Variants in PRDM7 observed in about 807,000 individuals in gnomAD.
The protein encoded by PRDM7 is histone-lysine N-methyltransferase PRDM7.
PRDM7 carries 52 observed loss-of-function variants against 64.3 expected under a neutral mutation model. That is an observed-to-expected ratio of 0.81 (90% CI 0.65 to 1.02). PRDM7 has a LOEUF of 1.02. Ranked by LOEUF, PRDM7 falls within the 50% of genes least tolerant of loss-of-function variation. PRDM7 has a pLI of 0.00. For synonymous variants in PRDM7, 192 were observed against 210.1 expected (o/e 0.91, Z 0.74); for missense variants, 574 against 597.1 (o/e 0.96, Z 0.40).
rs577677309 is a variant in PRDM7 at position 90,057,909 on chromosome 16, G to A, written c.*380C>T. 2.4e-5 allele frequency: 38 copies of A among 1,562,416 alleles called. 1 individual carries two copies. Among genetic ancestry groups the A allele is most frequent in the East Asian group, 1.9e-4 (8 of 41,286 alleles). On this transcript the variant is annotated 3_prime_UTR_variant, in exon 11 of 11. Coordinates refer to ENST00000449207, the MANE Select transcript of PRDM7 (RefSeq NM_001098173.2). ...TGGTGAATGAGGAGGACTGACTTCC[G>A]GCTAAAGCCCCGCTCACACTCTCTG...
At position 90,062,136 on chromosome 16, in the gene PRDM7, T is replaced by C; in HGVS notation, c.667A>G (p.Thr223Ala). The stretch of plus-strand genomic sequence containing the variant: ...TCCACTGCACTGTCCTTTACAAATG[T>C]AGGGGGCCCATGAGCAGCACAGCTG... The part of the protein sequence containing the change: ...IDSCAAHGPP[T>A]FVKDSAVDKG... The change falls in exon 8 of 11, where the codon ACA (threonine) becomes GCA (alanine). Residue 223 changes from threonine (T) to alanine (A), a missense_variant. Thr to Ala is a moderately conservative substitution (Grantham distance 58). Transcript: ENST00000449207. The C allele has an allele frequency of 6.2e-7, 1 of 1,614,226 alleles. No homozygotes were observed. The highest frequency in any genetic ancestry group is 8.5e-7 in the Non-Finnish European group (1 of 1,180,032).
chr16:90,074,843 C>A lies in PRDM7; in HGVS notation c.301+73G>T, dbSNP rs1190614556. On this transcript the variant is annotated intron_variant, in intron 4 of 10. Transcript: ENST00000449207. ...GCCGTGAGCCAAGATCACGCCATTG[C>A]ACTCCAGCCTGGGCAACAAGAGCGA... is the stretch of plus-strand genomic sequence containing the variant. The A allele has an allele frequency of 2.7e-6, 4 of 1,472,506 alleles. No individual in the cohort carries two copies. In the East Asian group the frequency reaches 9.3e-5, roughly 34 times the overall value. The allele number at this position is 1,472,506 out of a possible 1,614,324, so 91.2% of individuals were successfully genotyped here.
intron 4 of PRDM7, among the ~76,000 whole-genome samples, chr16:90,067,880 G>T (rs1435139762): frequency 6.6e-6 from 1 of 151,050 alleles, no homozygotes; most frequent in Non-Finnish European, 1.5e-5. Flanking sequence ...GTGAGCCACC[G>T]CGCCCAGCCG....
At position 90,066,904 on chromosome 16, in the gene PRDM7, G is replaced by T; in HGVS notation, c.308C>A (p.Pro103His). 1.3e-6 allele frequency: 2 copies of T among 1,596,456 alleles called. No individual in the cohort carries two copies. Among genetic ancestry groups the T allele is most frequent in the Non-Finnish European group, 8.6e-7 (1 of 1,166,508 alleles). The change falls in exon 5 of 11, where the codon CCT (proline) becomes CAT (histidine). Residue 103 changes from proline to histidine, a missense_variant. Physicochemically the swap from Pro to His is moderately conservative, Grantham distance 77 (BLOSUM62 -2). Coordinates refer to ENST00000449207, the MANE Select transcript of PRDM7 (RefSeq NM_001098173.2). Reference protein sequence around the residue: ...EEWTPRQQVKPPWMAFRGEQS... With the variant: ...EEWTPRQQVKHPWMAFRGEQS... ...TTCTCCTCTGAAGGCCATCCAAGGA[G>T]GTTTGACTAAGAGGTGATGAGAAAT...
At position 90,064,412 on chromosome 16, in the gene PRDM7, G is replaced by T. The variant is rs540008211; in HGVS notation, c.352-644C>A. On this transcript the variant is annotated intron_variant, in intron 5 of 10. Coordinates refer to ENST00000449207, the MANE Select transcript of PRDM7 (RefSeq NM_001098173.2). ...AAGTTGGCATACATGGTTTTGTTTT[G>T]TTTTGTTTTGTTTTGTTTTGAAAAG... Among the ~76,000 whole-genome samples the T allele has an allele frequency of 6.9e-4, 105 of 151,934 alleles. 1 individual carries two copies. The East Asian group carries it at 0.012, about 17-fold the overall frequency.
In PRDM7 at chr16:90,058,092, A is replaced by T; in HGVS notation, c.*197T>A. On this transcript the variant is annotated 3_prime_UTR_variant, in exon 11 of 11. Transcript: ENST00000449207. Reference sequence around the variant, plus strand: ...CTGACTTATCACTGAAACCTTGCCCACACTCTCCATATTTGACTTTCGCAA... The same window carrying T: ...CTGACTTATCACTGAAACCTTGCCCTCACTCTCCATATTTGACTTTCGCAA... The T allele has an allele frequency of 6.2e-7, 1 of 1,613,884 alleles. No individual in the cohort carries two copies. Among genetic ancestry groups the T allele is most frequent in the Non-Finnish European group, 8.5e-7 (1 of 1,179,824 alleles).
chr16:90,057,959 T>C lies in PRDM7; in HGVS notation c.*330A>G. ...GCAGACATAAGGCTTCTCCCCTGTGTGTGTCCTCTGGTGACTGAGGAGGTC... is the reference window on the plus strand; with the variant it reads ...GCAGACATAAGGCTTCTCCCCTGTGCGTGTCCTCTGGTGACTGAGGAGGTC... On this transcript the variant is annotated 3_prime_UTR_variant, in exon 11 of 11. Transcript: ENST00000449207. The C allele has an allele frequency of 1.2e-6, 2 of 1,601,114 alleles. No individual in the cohort carries two copies. Among genetic ancestry groups the C allele is most frequent in the Non-Finnish European group, 1.7e-6 (2 of 1,171,446 alleles).
At chr16:90,062,362 T>A (rs1469817934) in intron 7 of PRDM7, 39 bp downstream of exon 7, 15 of 1,613,680 alleles carry the variant, frequency 9.3e-6, no homozygotes, top group South Asian at 4.4e-5. Context: ...TACCAGGACA[T>A]AACAGCAAGC....
Position 90,058,037 on chromosome 16 carries a change from C to CTG in PRDM7, c.*250_*251dup. On this transcript the variant is annotated 3_prime_UTR_variant, in exon 11 of 11. Transcript: ENST00000449207. ...TCTCTGCAGACGTAGGGCTTCCCCC[C>CTG]TGTGTGTGTCCTTTGGTGTGTAATA... The CTG allele has an allele frequency of 6.2e-7, 1 of 1,611,588 alleles. No individual in the cohort carries two copies. The highest frequency in any genetic ancestry group is 1.7e-5 in the Admixed American group (1 of 59,896).
chr16:90,064,270 A>G (rs1350009043), intron 5 of PRDM7, among the ~76,000 whole-genome samples: 1 of 152,226 alleles, frequency 6.6e-6, no homozygotes, highest in Non-Finnish European at 1.5e-5. Context: ...ATGTTGCCAT[A>G]TCCTGGAAAG....
intron 4 of PRDM7, among the ~76,000 whole-genome samples, chr16:90,069,421 G>C (rs1339074895): frequency 6.6e-6 from 1 of 151,272 alleles, no homozygotes; most frequent in Non-Finnish European, 1.5e-5. Context: ...AAAACACAGA[G>C]GAAAAGCTTC....
rs2037821737 is a variant in PRDM7 at position 90,063,691 on chromosome 16, A to G, written c.429T>C (p.Ser143=). 1.2e-6 allele frequency: 2 copies of G among 1,614,182 alleles called. No individual in the cohort carries two copies. The highest frequency in any genetic ancestry group is 1.7e-6 in the Non-Finnish European group (2 of 1,180,020). Residue 143 remains serine (S), a synonymous_variant, in exon 6 of 11, where the codon AGT becomes AGC. Coordinates refer to ENST00000449207, the MANE Select transcript of PRDM7 (RefSeq NM_001098173.2). ...CTGGTTTCTGAGCCTGCTCTGAGTC[A>G]CTTGTATTCAGTAAATTTGGCGTTC... ...LSGTPNLLNT[S]DSEQAQKPVS...
Position 90,066,915 on chromosome 16 carries a change from G to C in PRDM7, c.302-5C>G. The C allele has an allele frequency of 6.3e-7, 1 of 1,590,824 alleles. No homozygotes were observed. The highest frequency in any genetic ancestry group is 8.6e-7 in the Non-Finnish European group (1 of 1,161,624). The stretch of plus-strand genomic sequence containing the variant: ...AGGCCATCCAAGGAGGTTTGACTAA[G>C]AGGTGATGAGAAATCAGTGGTTTGG... On this transcript the variant is annotated splice_polypyrimidine_tract_variant and splice_region_variant and intron_variant, in intron 4 of 10. Transcript: ENST00000449207.
rs747908088 is a variant in PRDM7, at chr16:90,075,523, C to T, written c.70-49G>A. 1 of 1,614,096 alleles carries T rather than the reference C, an allele frequency of 6.2e-7. No individual in the cohort carries two copies. Among genetic ancestry groups the T allele is most frequent in the Non-Finnish European group, 8.5e-7 (1 of 1,179,982 alleles). ...CAGTGATTTACTAATACACATCGAG[C>T]TGGTCCTTTTCCTCTACCCTGCGTG... On this transcript the variant is annotated intron_variant, in intron 2 of 10. Transcript: ENST00000449207. This position sits in a 1 kb window ranked among gnomAD's most constrained non-coding sequence, Gnocchi z 4.3.
chr16:90,068,543 G>A (rs1319431832), intron 4 of PRDM7, among the ~76,000 whole-genome samples: 3 of 149,890 alleles, frequency 2.0e-5, no homozygotes, highest in African/African-American at 7.6e-5. Context: ...GCCGAGGCAG[G>A]AGAATGGCAT....
Position 90,057,632 on chromosome 16 carries a change from C to T in PRDM7, c.*657G>A. ...CATGTTGACGTCCCCCGAACACTTACAGAACTATCCCCTGTTCTTCCTCAA... is the reference window on the plus strand; with the variant it reads ...CATGTTGACGTCCCCCGAACACTTATAGAACTATCCCCTGTTCTTCCTCAA... On this transcript the variant is annotated 3_prime_UTR_variant, in exon 11 of 11. Transcript: ENST00000449207. 1.0e-6 allele frequency: 1 copy of T among 1,003,332 alleles called. No individual in the cohort carries two copies. Among genetic ancestry groups the T allele is most frequent in the Middle Eastern group, 4.4e-4 (1 of 2,262 alleles). 62.2% of individuals were successfully genotyped at this position (1,003,332 alleles called of 1,614,324 possible). A position where few individuals can be genotyped will look rare whatever the true frequency, so the allele number is the denominator to read the frequency against.
chr16:90,074,535 C>T (rs2038007736), intron 4 of PRDM7, among the ~76,000 whole-genome samples: 1 of 151,856 alleles, frequency 6.6e-6, no homozygotes, highest in South Asian at 2.1e-4. Flanking sequence ...GAGATTCTAC[C>T]ACTGTACTCC....
In PRDM7 at chr16:90,075,111, A is replaced by G; in HGVS notation, c.194-88T>C. On this transcript the variant is annotated intron_variant, in intron 3 of 10. Transcript: ENST00000449207. The surrounding 1 kb of genome is among the most constrained non-coding windows in gnomAD (Gnocchi z 4.3). The stretch of plus-strand genomic sequence containing the variant: ...TGGCAATGGAAAGCACCACAAAGCC[A>G]GTGCTGCTCAGTCTGATGAGCTGGG... 1 of 1,423,488 alleles carries G rather than the reference A, an allele frequency of 7.0e-7. No homozygotes were observed. Among genetic ancestry groups the G allele is most frequent in the Non-Finnish European group, 9.9e-7 (1 of 1,015,160 alleles). The allele number at this position is 1,423,488 out of a possible 1,614,324, so 88.2% of individuals were successfully genotyped here. A position where few individuals can be genotyped will look rare whatever the true frequency, so the allele number is the denominator to read the frequency against.
chr16:90,071,250 A>C (rs531268588), intron 4 of PRDM7, among the ~76,000 whole-genome samples: 5 of 151,608 alleles, frequency 3.3e-5, no homozygotes, highest in African/African-American at 1.2e-4. Context: ...TTCTACCTCA[A>C]CCTCCCAAGT....
Sources: allele counts gnomAD v4.1 joint callset (sites outside exome capture counted in the v4.1 genomes callset), GRCh38; gene constraint gnomAD v4.1.1; non-coding constraint Gnocchi (gnomAD v3.1); transcripts MANE v1.5; gene names NCBI Gene and HGNC (gene_info 2026-07-23, HGNC 2026-07-21).